The following LINGO2 variants were observed in gnomAD, a reference collection of about 807,000 sequenced individuals.
The protein encoded by LINGO2 is leucine-rich repeat and immunoglobulin-like domain-containing nogo receptor-interacting protein 2.
In LINGO2, 14 loss-of-function variants were observed where a neutral mutation model predicts 30.6. The observed-to-expected ratio is 0.46, with a 90% CI of 0.30 to 0.72. LINGO2 has a LOEUF of 0.72. Among genes scored for constraint, LINGO2 ranks in the 30% least tolerant of loss-of-function variants. The probability of loss-of-function intolerance (pLI) is 0.07; values close to 1 mark genes in which losing one functional copy is unlikely to be tolerated. For synonymous variants in LINGO2, 317 were observed against 288.5 expected (o/e 1.10, Z -1.00); for missense variants, 729 against 751.7 (o/e 0.97, Z 0.35).
chr9:28,731,977 T>A, the LINGO2 span, among the ~76,000 whole-genome samples: 2 of 152,122 alleles, frequency 1.3e-5, no homozygotes, highest in African/African-American at 4.8e-5. Flanking sequence ...TTATTGTTAA[T>A]GGTAGTATAA....
At chr9:29,210,866 T>G in the LINGO2 span, among the ~76,000 whole-genome samples, 2 of 152,204 alleles carry the variant, frequency 1.3e-5, no homozygotes, top group African/African-American at 4.8e-5. Flanking sequence ...AAGTACATTT[T>G]TTTTTCTTCC....
chr9:28,698,268 T>G, the LINGO2 span, among the ~76,000 whole-genome samples: 3 of 152,070 alleles, frequency 2.0e-5, no homozygotes, highest in African/African-American at 7.2e-5. Context: ...ATAGATACAT[T>G]TATAATAAGC....
At chr9:28,333,538 A>G (rs1341956445) in intron 3 of LINGO2, among the ~76,000 whole-genome samples, 1 of 152,176 alleles carries the variant, frequency 6.6e-6, no homozygotes. Context: ...TCTTCTTCTA[A>G]TCCAGTGATA....
At chr9:28,377,505 C>G (rs7850303) in intron 2 of LINGO2, among the ~76,000 whole-genome samples, 4 of 152,174 alleles carry the variant, frequency 2.6e-5, no homozygotes, top group African/African-American at 9.7e-5. Flanking sequence ...TAGTTAAGTT[C>G]TGGGGGAGTA....
intron 4 of LINGO2, among the ~76,000 whole-genome samples, chr9:28,068,742 C>A (rs933625218): frequency 2.0e-5 from 3 of 152,058 alleles, no homozygotes; most frequent in African/African-American, 7.2e-5. Context: ...GAGTCTCAGA[C>A]AGGGAAAGCC....
chr9:29,111,560 C>T, the LINGO2 span, among the ~76,000 whole-genome samples: 70,805 of 151,606 alleles, frequency 0.47, 17,235 homozygotes, highest in African/African-American at 0.62. Flanking sequence ...TGCTGCTAAA[C>T]TAAACAGTTT....
chr9:28,230,211 A>G (rs1424078730), intron 4 of LINGO2, among the ~76,000 whole-genome samples: 4 of 151,840 alleles, frequency 2.6e-5, no homozygotes, highest in Non-Finnish European at 5.9e-5. Flanking sequence ...ATGTGTGTGC[A>G]TGTGTGTATG....
chr9:28,158,942 C>T (rs1212617923), intron 4 of LINGO2, among the ~76,000 whole-genome samples: 1 of 152,146 alleles, frequency 6.6e-6, no homozygotes, highest in Non-Finnish European at 1.5e-5. Flanking sequence ...TTAGGTTTTC[C>T]TCATTCCTTT....
the LINGO2 span, among the ~76,000 whole-genome samples, chr9:29,189,474 G>A: frequency 2.0e-5 from 3 of 150,024 alleles, no homozygotes; most frequent in East Asian, 2.0e-4. Flanking sequence ...GGGCAGAGGC[G>A]CTCCTCACAT....
intron 1 of LINGO2, among the ~76,000 whole-genome samples, chr9:28,632,349 T>C (rs1355933307): frequency 1.3e-5 from 2 of 151,948 alleles, no homozygotes; most frequent in African/African-American, 4.8e-5. Context: ...ACTGCAACTA[T>C]TGGCTTGTAG....
chr9:28,137,991 G>T (rs1827565017), intron 4 of LINGO2, among the ~76,000 whole-genome samples: 1 of 152,116 alleles, frequency 6.6e-6, no homozygotes, highest in African/African-American at 2.4e-5. Context: ...CAAATTCTTT[G>T]CTGCTAAATG....
At chr9:28,300,870 T>A (rs1824114133) in intron 3 of LINGO2, among the ~76,000 whole-genome samples, 1 of 150,534 alleles carries the variant, frequency 6.6e-6, no homozygotes, top group African/African-American at 2.5e-5. Flanking sequence ...AGGTGCAACC[T>A]ACATTGAACA....
chr9:28,761,069 T>C, the LINGO2 span, among the ~76,000 whole-genome samples: 1 of 151,780 alleles, frequency 6.6e-6, no homozygotes, highest in African/African-American at 2.4e-5. Context: ...GCTATGAACA[T>C]GCCTGTGCAA....
At chr9:28,454,865 A>G (rs180759643) in intron 2 of LINGO2, among the ~76,000 whole-genome samples, 13 of 152,152 alleles carry the variant, frequency 8.5e-5, no homozygotes, top group Admixed American at 7.2e-4. Context: ...TAGATGAAAG[A>G]GCTTTAGATA....
intron 1 of LINGO2, among the ~76,000 whole-genome samples, chr9:28,631,007 C>A (rs1826911705): frequency 6.6e-6 from 1 of 151,318 alleles, no homozygotes; most frequent in African/African-American, 2.4e-5. Flanking sequence ...GAAAACTGGG[C>A]AAGATTATAA....
chr9:28,562,939 C>T (rs35057169), intron 1 of LINGO2, among the ~76,000 whole-genome samples: 26,893 of 151,934 alleles, frequency 0.18, 2,698 homozygotes, highest in East Asian at 0.29. Context: ...CTCCATCTCC[C>T]GGGTTCAAGC....
chr9:28,132,551 T>G (rs1473344037), intron 4 of LINGO2, among the ~76,000 whole-genome samples: 4 of 152,186 alleles, frequency 2.6e-5, no homozygotes, highest in African/African-American at 4.8e-5. Flanking sequence ...TATTTAGATT[T>G]CCTGAGGTTG....
At chr9:28,069,744 A>T (rs185617743) in intron 4 of LINGO2, among the ~76,000 whole-genome samples, 5 of 152,284 alleles carry the variant, frequency 3.3e-5, no homozygotes, top group Admixed American at 2.6e-4. Flanking sequence ...CCTGATGTTG[A>T]GTTCATGGAG....
intron 1 of LINGO2, among the ~76,000 whole-genome samples, chr9:28,552,716 T>G (rs946257190): frequency 6.6e-6 from 1 of 151,792 alleles, no homozygotes; most frequent in East Asian, 1.9e-4. Flanking sequence ...TTTTAAGACG[T>G]TGGATTTTCT....
Sources: allele counts gnomAD v4.1 joint callset (sites outside exome capture counted in the v4.1 genomes callset), GRCh38; gene constraint gnomAD v4.1.1; transcripts MANE v1.5; gene names NCBI Gene and HGNC (gene_info 2026-07-23, HGNC 2026-07-21).